Variants in ADAM22 observed in about 807,000 individuals in gnomAD.
ADAM22 encodes the protein disintegrin and metalloproteinase domain-containing protein 22.
Under a neutral mutation model 144.6 loss-of-function variants are expected in ADAM22, and 65 were observed. That is an observed-to-expected ratio of 0.45 (90% CI 0.37 to 0.55). ADAM22 has a LOEUF of 0.55. ADAM22 is among the 20% of genes least tolerant of loss of function. The pLI is 0.00. For synonymous variants in ADAM22, 391 were observed against 412.6 expected (o/e 0.95, Z 0.63); for missense variants, 974 against 1,184.9 (o/e 0.82, Z 2.61).
intron 27 of ADAM22, among the ~76,000 whole-genome samples, chr7:88,181,010 ATTAC>A (rs1366735171): frequency 1.2e-4 from 19 of 152,134 alleles, no homozygotes; most frequent in Admixed American, 1.2e-3. Context: ...AAATAATTTT[ATTAC>A]TTAAGAAAAT....
chr7:87,959,511 G>T (rs1020989031), intron 2 of ADAM22, among the ~76,000 whole-genome samples: 1 of 152,130 alleles, frequency 6.6e-6, no homozygotes, highest in African/African-American at 2.4e-5. Context: ...GGAACAATTT[G>T]CTCTCTGGTG....
rs542152494 is a variant in ADAM22, at chr7:88,112,138, T to TC, written c.474-2441dup. ...TATTTGGTCTACGTTTTTGAAAGGC[T>TC]CCCCCTCTGACTCCTTGGGCACATA... On this transcript the variant is annotated intron_variant, in intron 5 of 31. Transcript: ENST00000413139. Among the ~76,000 whole-genome samples the TC allele has an allele frequency of 2.5e-4, 38 of 152,280 alleles. No homozygotes were observed. The East Asian group carries it at 6.0e-3, about 24-fold the overall frequency.
At chr7:88,102,015 A>G (rs1823065774) in intron 4 of ADAM22, among the ~76,000 whole-genome samples, 1 of 152,190 alleles carries the variant, frequency 6.6e-6, no homozygotes, top group Non-Finnish European at 1.5e-5. Flanking sequence ...TGTAGCAGGC[A>G]TACCTGGGTG....
chr7:87,999,999 A>G (rs73202312), intron 3 of ADAM22, among the ~76,000 whole-genome samples: 17,836 of 152,038 alleles, frequency 0.12, 1,293 homozygotes, highest in East Asian at 0.31. Flanking sequence ...AAAAAAAAAA[A>G]AAAAATTATT....
rs1851267613 is a variant in ADAM22, at chr7:88,202,449, G to A, written c.*5958G>A. The A allele has an allele frequency of 6.6e-6, 1 of 152,196 alleles. No homozygotes were observed. The highest frequency in any genetic ancestry group is 2.4e-5 in the African/African-American group (1 of 41,438). The allele number at this position is 152,196 out of a possible 1,614,324, so 9.4% of individuals were successfully genotyped here. On this transcript the variant is annotated 3_prime_UTR_variant, in exon 32 of 32. Coordinates refer to ENST00000413139, the MANE Select transcript of ADAM22 (RefSeq NM_001324418.2). Reference sequence around the variant, plus strand: ...ACGGTTATCACCTTTGACAGGTGATGTGCATCTATAGATAGTGGAAGCCAC... The same window carrying A: ...ACGGTTATCACCTTTGACAGGTGATATGCATCTATAGATAGTGGAAGCCAC...
intron 3 of ADAM22, among the ~76,000 whole-genome samples, chr7:88,065,793 A>C (rs1367581334): frequency 6.6e-6 from 1 of 152,238 alleles, no homozygotes; most frequent in African/African-American, 2.4e-5. Context: ...CATCTATTTT[A>C]AAATTATTCA....
chr7:88,011,488 C>T (rs978823027), intron 3 of ADAM22, among the ~76,000 whole-genome samples: 4 of 150,082 alleles, frequency 2.7e-5, no homozygotes, highest in South Asian at 4.2e-4. Flanking sequence ...TGCAGTGAGC[C>T]GAGATCGCAC....
chr7:87,974,510 C>T (rs1054611966), intron 2 of ADAM22, among the ~76,000 whole-genome samples: 5 of 152,060 alleles, frequency 3.3e-5, no homozygotes, highest in Non-Finnish European at 5.9e-5. Context: ...TGGGTTTGAT[C>T]CTTGAGGCCT....
At chr7:87,986,619 G>T (rs749455326) in intron 3 of ADAM22, among the ~76,000 whole-genome samples, 86 of 152,258 alleles carry the variant, frequency 5.6e-4, no homozygotes, top group Admixed American at 9.8e-4. Context: ...CTATTATAAG[G>T]ATATATCCGA....
chr7:87,956,243 C>T (rs369760886), intron 2 of ADAM22, among the ~76,000 whole-genome samples: 5 of 152,218 alleles, frequency 3.3e-5, no homozygotes, highest in South Asian at 2.1e-4. Flanking sequence ...AGCTGTAGAC[C>T]GGAGCTGTTC....
intron 5 of ADAM22, among the ~76,000 whole-genome samples, chr7:88,113,108 C>A (rs958465560): frequency 2.0e-5 from 3 of 150,086 alleles, no homozygotes; most frequent in African/African-American, 4.9e-5. Context: ...TGCATCCCCC[C>A]TGCCTGCCCT....
Position 88,114,611 on chromosome 7 carries a change from A to G in ADAM22, c.501A>G (p.Thr167=), listed in dbSNP as rs1827272678. The G allele has an allele frequency of 1.2e-6, 2 of 1,614,006 alleles. No individual in the cohort carries two copies. Among genetic ancestry groups the G allele is most frequent in the Non-Finnish European group, 1.7e-6 (2 of 1,179,896 alleles). The change falls in exon 6 of 32, where the codon ACA becomes ACG. Residue 167 remains threonine, a synonymous_variant. Coordinates refer to ENST00000413139, the MANE Select transcript of ADAM22 (RefSeq NM_001324418.2). The part of the protein sequence containing the change: ...LHGMFYDGNH[T]YLIEPEENDT... The stretch of plus-strand genomic sequence containing the variant: ...GGATGTTCTATGACGGGAACCACAC[A>G]TATCTCATTGAGCCAGAAGAAAATG...
intron 25 of ADAM22, among the ~76,000 whole-genome samples, chr7:88,170,103 A>G (rs182271324): frequency 2.4e-4 from 37 of 152,068 alleles, no homozygotes; most frequent in African/African-American, 7.9e-4. Context: ...TCATTCCTCA[A>G]TATATACACT....
At chr7:88,010,588 AG>A (rs1345280098) in intron 3 of ADAM22, among the ~76,000 whole-genome samples, 11 of 152,192 alleles carry the variant, frequency 7.2e-5, no homozygotes, top group Non-Finnish European at 1.6e-4. Flanking sequence ...AAAGGCCTAA[AG>A]GAACTTCTTT....
rs565220166 is a variant in ADAM22, at chr7:88,181,679, C to T, written c.2596+74C>T. The stretch of plus-strand genomic sequence containing the variant: ...ATTCTGTGGCCCCTGGTTGTAAAGA[C>T]TTTTATTTCTTTGAAGCTCTTTAGC... On this transcript the variant is annotated intron_variant, in intron 28 of 31. Transcript: ENST00000413139. 4.6e-5 allele frequency: 59 copies of T among 1,291,128 alleles called. 1 individual carries two copies. In the East Asian group the frequency reaches 1.4e-3, roughly 30 times the overall value. 80.0% of individuals were successfully genotyped at this position (1,291,128 alleles called of 1,614,324 possible).
At chr7:88,120,936 G>T (rs892018641) in intron 7 of ADAM22, among the ~76,000 whole-genome samples, 1 of 151,960 alleles carries the variant, frequency 6.6e-6, no homozygotes, top group Non-Finnish European at 1.5e-5. Flanking sequence ...TACTTTTTGT[G>T]CATGGTGAAA....
chr7:88,035,071 T>G (rs1284949896), intron 3 of ADAM22, among the ~76,000 whole-genome samples: 11 of 152,182 alleles, frequency 7.2e-5, no homozygotes, highest in Admixed American at 7.2e-4. Flanking sequence ...GGATGACCTG[T>G]GGAAGCTTCT....
At chr7:88,081,404 G>A (rs1816581101) in intron 4 of ADAM22, among the ~76,000 whole-genome samples, 1 of 152,154 alleles carries the variant, frequency 6.6e-6, no homozygotes, top group Admixed American at 6.5e-5. Flanking sequence ...GGCAGAAACT[G>A]GAAGCATTCC....
chr7:88,201,386 A>C lies in ADAM22; in HGVS notation c.*4895A>C, dbSNP rs2115620865. 6.6e-6 allele frequency: 1 copy of C among 152,358 alleles called. No homozygotes were observed. The highest frequency in any genetic ancestry group is 2.1e-4 in the South Asian group (1 of 4,830). The allele number at this position is 152,358 out of a possible 1,614,324, so 9.4% of individuals were successfully genotyped here. On this transcript the variant is annotated 3_prime_UTR_variant, in exon 32 of 32. Transcript: ENST00000413139. ...ATGGGGAGGAGATAAGAAGCAGAGA[A>C]CTTTGGGAGACCATGGGGCATTTAG...
Sources: allele counts gnomAD v4.1 joint callset (sites outside exome capture counted in the v4.1 genomes callset), GRCh38; gene constraint gnomAD v4.1.1; transcripts MANE v1.5; gene names NCBI Gene and HGNC (gene_info 2026-07-23, HGNC 2026-07-21).